CORIN: variants seen among roughly 807,000 people sequenced by gnomAD.
CORIN encodes the protein corin, serine peptidase.
Under a neutral mutation model 125.3 loss-of-function variants are expected in CORIN, and 117 were observed. That is an observed-to-expected ratio of 0.93 (90% CI 0.80 to 1.09). CORIN has a LOEUF of 1.09. CORIN is among the 50% of genes least tolerant of loss of function. The pLI is 0.00. For missense variants in CORIN, 1,253 were observed against 1,306.7 expected (o/e 0.96, Z 0.63); for synonymous variants, 450 against 466.4 (o/e 0.96, Z 0.45).
intron 5 of CORIN, among the ~76,000 whole-genome samples, chr4:47,694,243 C>T (rs968835575): frequency 2.6e-5 from 4 of 152,180 alleles, no homozygotes; most frequent in East Asian, 1.9e-4. Flanking sequence ...AGTTTGGCAT[C>T]GGGAGAGGTA....
rs116355453 is a variant in CORIN, at chr4:47,754,545, T to A, written c.617+8834A>T. Among the ~76,000 whole-genome samples the A allele has an allele frequency of 6.7e-3, 1,026 of 152,242 alleles. 14 individuals carry two copies. The highest frequency in any genetic ancestry group is 0.023 in the African/African-American group (958 of 41,540). On this transcript the variant is annotated intron_variant, in intron 4 of 21. Transcript: ENST00000273857. The stretch of plus-strand genomic sequence containing the variant: ...TGTTTCCATTTATTCCCAAATGAGA[T>A]ACAATTTGGGACATATGTAACTTAA...
chr4:47,759,518 GA>G (rs936973236), intron 4 of CORIN, among the ~76,000 whole-genome samples: 1 of 151,932 alleles, frequency 6.6e-6, no homozygotes, highest in African/African-American at 2.4e-5. Flanking sequence ...TCAGTAGCAA[GA>G]AAACAAATCA....
At chr4:47,597,365 A>G (rs867310805) in intron 21 of CORIN, among the ~76,000 whole-genome samples, 8 of 151,760 alleles carry the variant, frequency 5.3e-5, no homozygotes, top group South Asian at 2.1e-4. Flanking sequence ...AAAAAAAAAA[A>G]AAGAAGAAGA....
intron 14 of CORIN, among the ~76,000 whole-genome samples, chr4:47,644,630 T>C (rs982235488): frequency 1.3e-5 from 2 of 152,198 alleles, no homozygotes; most frequent in Non-Finnish European, 2.9e-5. Flanking sequence ...TGTAAACTTT[T>C]AAATATGACT....
chr4:47,676,454 C>T (rs548372420), intron 9 of CORIN, among the ~76,000 whole-genome samples: 1 of 152,252 alleles, frequency 6.6e-6, no homozygotes, highest in East Asian at 1.9e-4. Context: ...TTTACCAGGG[C>T]ATGCACCCTA....
intron 5 of CORIN, among the ~76,000 whole-genome samples, chr4:47,721,689 A>T (rs144210246): frequency 2.2e-4 from 33 of 152,364 alleles, no homozygotes; most frequent in Non-Finnish European, 3.7e-4. Context: ...AGTTCATCAC[A>T]GGAAGAATAA....
At chr4:47,597,517 AT>A (rs955386127) in intron 21 of CORIN, among the ~76,000 whole-genome samples, 38 of 152,294 alleles carry the variant, frequency 2.5e-4, no homozygotes, top group African/African-American at 8.7e-4. Context: ...GCCTAATTGA[AT>A]TTTTTTAAAG....
At chr4:47,759,830 T>A (rs900664650) in intron 4 of CORIN, among the ~76,000 whole-genome samples, 3 of 152,244 alleles carry the variant, frequency 2.0e-5, no homozygotes, top group African/African-American at 7.2e-5. Flanking sequence ...ATCATGAGAT[T>A]GTAGCAATTC....
chr4:47,740,747 A>G (rs887024108), intron 5 of CORIN, among the ~76,000 whole-genome samples: 8 of 151,968 alleles, frequency 5.3e-5, no homozygotes, highest in Admixed American at 4.6e-4. Context: ...GTGGTAATCA[A>G]GAAAGATAGA....
At chr4:47,657,670 T>G (rs893631924) in intron 12 of CORIN, among the ~76,000 whole-genome samples, 3 of 151,932 alleles carry the variant, frequency 2.0e-5, no homozygotes, top group African/African-American at 7.3e-5. Flanking sequence ...TCACGAAGCT[T>G]ACAATCATGG....
At chr4:47,682,775 G>GA (rs1170812917) in intron 7 of CORIN, 2 of 152,058 alleles carry the variant, frequency 1.3e-5, no homozygotes, top group African/African-American at 2.4e-5. Context: ...ACTATTATCA[G>GA]AAAAAAGCAA....
At position 47,703,546 on chromosome 4, in the gene CORIN, A is replaced by G. The variant is rs147074049; in HGVS notation, c.800-10463T>C. 7.2e-4 allele frequency among the ~76,000 whole-genome samples: 110 copies of G among 152,300 alleles called. 1 individual carries two copies. The highest frequency in any genetic ancestry group is 2.5e-3 in the East Asian group (13 of 5,180). ...AGAGATTGGTATTTAAACTTACACT[A>G]TCTGCGCTGCTTTGGCGAATTACTT... is the stretch of plus-strand genomic sequence containing the variant. On this transcript the variant is annotated intron_variant, in intron 5 of 21. Coordinates refer to ENST00000273857, the MANE Select transcript of CORIN (RefSeq NM_006587.4).
intron 5 of CORIN, among the ~76,000 whole-genome samples, chr4:47,720,059 A>G (rs960077490): frequency 2.6e-5 from 4 of 152,194 alleles, no homozygotes; most frequent in Non-Finnish European, 5.9e-5. Flanking sequence ...CTTTGTGTCT[A>G]TAGTCAAATC....
Position 47,653,612 on chromosome 4 carries a change from G to A in CORIN, c.1784C>T (p.Ala595Val). 1.2e-6 allele frequency: 2 copies of A among 1,614,076 alleles called. No homozygotes were observed. The highest frequency in any genetic ancestry group is 1.1e-5 in the South Asian group (1 of 91,084). ...FKCRSGQCVL[A>V]SRRCDGQADC... The stretch of plus-strand genomic sequence containing the variant: ...GGCCTGGCCATCACATCTTCTGGAA[G>A]CCAGAACACACTGTCCTGAGCGGCA... The change falls in exon 13 of 22, where the codon GCT (alanine) becomes GTT (valine). Residue 595 changes from alanine to valine, a missense_variant. Transcript: ENST00000273857.
At chr4:47,821,517 T>C (rs2109975947) in intron 1 of CORIN, among the ~76,000 whole-genome samples, 1 of 152,026 alleles carries the variant, frequency 6.6e-6, no homozygotes, top group South Asian at 2.1e-4. Flanking sequence ...TGTTTAATAT[T>C]TATGATCGGA....
At chr4:47,683,577 G>T in intron 7 of CORIN, 154 bp downstream of exon 7, 1 of 585,718 alleles carries the variant, frequency 1.7e-6, no homozygotes, top group Non-Finnish European at 3.0e-6. Context: ...ACTGAGGACA[G>T]TGACTGAACA....
At chr4:47,638,533 T>C (rs1002577763) in intron 16 of CORIN, among the ~76,000 whole-genome samples, 2 of 152,190 alleles carry the variant, frequency 1.3e-5, no homozygotes, top group African/African-American at 4.8e-5. Flanking sequence ...TTCATGATAG[T>C]GAATAAGTTT....
At chr4:47,678,086 T>G in intron 8 of CORIN, 32 bp from the exon 9 acceptor site, 9 of 1,427,222 alleles carry the variant, frequency 6.3e-6, no homozygotes, top group Non-Finnish European at 8.9e-6. Context: ...TTCACTTTAT[T>G]TATTAATTCT....
At chr4:47,770,534 C>T (rs1729976778) in intron 3 of CORIN, among the ~76,000 whole-genome samples, 2 of 151,956 alleles carry the variant, frequency 1.3e-5, no homozygotes. Flanking sequence ...CTGTATATTC[C>T]AAGGATGTAA....
Sources: allele counts gnomAD v4.1 joint callset (sites outside exome capture counted in the v4.1 genomes callset), GRCh38; gene constraint gnomAD v4.1.1; transcripts MANE v1.5; gene names NCBI Gene and HGNC (gene_info 2026-07-23, HGNC 2026-07-21).